The following CPNE4 variants were observed in gnomAD, a reference collection of about 807,000 sequenced individuals.
The protein encoded by CPNE4 is copine-4.
In CPNE4, 25 loss-of-function variants were observed where a neutral mutation model predicts 67.9. The observed-to-expected ratio is 0.37, with a 90% confidence interval of 0.27 to 0.51. The LOEUF (loss-of-function observed/expected upper bound fraction) is 0.51, where lower values mean the gene tolerates loss of function less well. Ranked by LOEUF, CPNE4 falls within the 20% of genes least tolerant of loss-of-function variation. The probability of loss-of-function intolerance (pLI) is 0.93; values close to 1 mark genes in which losing one functional copy is unlikely to be tolerated. For synonymous variants in CPNE4, 242 were observed against 244.9 expected (o/e 0.99, Z 0.11); for missense variants, 464 against 690.8 (o/e 0.67, Z 3.68).
At chr3:131,573,597 A>G (rs901212729) in intron 10 of CPNE4, among the ~76,000 whole-genome samples, 4 of 152,230 alleles carry the variant, frequency 2.6e-5, no homozygotes, top group South Asian at 2.1e-4. Flanking sequence ...ACTGAAATCA[A>G]TAGAGCTTTC....
At chr3:131,916,571 G>C (rs1179101162) in intron 1 of CPNE4, among the ~76,000 whole-genome samples, 1 of 152,018 alleles carries the variant, frequency 6.6e-6, no homozygotes, top group African/African-American at 2.4e-5. Flanking sequence ...GGTGTGTTTT[G>C]GGAAAGAAGA....
At chr3:131,921,687 T>C (rs1396486459) in intron 1 of CPNE4, among the ~76,000 whole-genome samples, 1 of 152,170 alleles carries the variant, frequency 6.6e-6, no homozygotes, top group East Asian at 1.9e-4. Context: ...CTTAGCACTG[T>C]TGTGAGGATT....
intron 15 of CPNE4, among the ~76,000 whole-genome samples, chr3:131,536,806 T>C (rs151035573): frequency 5.3e-5 from 8 of 152,334 alleles, no homozygotes; most frequent in Middle Eastern, 3.4e-3. Context: ...TAGACCATGG[T>C]CCATGTGTAT....
intron 7 of CPNE4, among the ~76,000 whole-genome samples, chr3:131,588,877 C>G (rs544467759): frequency 1.3e-5 from 2 of 152,166 alleles, no homozygotes; most frequent in Admixed American, 1.3e-4. Flanking sequence ...ATTACTACAA[C>G]AGTCTCCCAG....
intron 15 of CPNE4, among the ~76,000 whole-genome samples, chr3:131,535,784 A>G (rs1208212739): frequency 6.6e-6 from 1 of 152,234 alleles, no homozygotes; most frequent in East Asian, 1.9e-4. Context: ...GTCACATTAC[A>G]TGGGAGCTTA....
chr3:131,597,526 G>A (rs1559959844), intron 7 of CPNE4, among the ~76,000 whole-genome samples: 2 of 152,150 alleles, frequency 1.3e-5, no homozygotes, highest in African/African-American at 4.8e-5. Flanking sequence ...GAGTTCAAAT[G>A]ATCTGAATCT....
chr3:131,753,498 T>A (rs1356478811), intron 2 of CPNE4, among the ~76,000 whole-genome samples: 1 of 152,078 alleles, frequency 6.6e-6, no homozygotes, highest in East Asian at 1.9e-4. Flanking sequence ...ATGATACATG[T>A]AGAAGAAATT....
intron 2 of CPNE4, among the ~76,000 whole-genome samples, chr3:131,800,992 G>T (rs1054921345): frequency 3.3e-5 from 5 of 152,058 alleles, no homozygotes; most frequent in Admixed American, 1.3e-4. Context: ...TCCCATATGG[G>T]TTGTAAAGAA....
chr3:131,798,552 C>T (rs189978480), intron 2 of CPNE4, among the ~76,000 whole-genome samples: 63 of 152,192 alleles, frequency 4.1e-4, no homozygotes, highest in Middle Eastern at 6.8e-3. Flanking sequence ...AAAATTAACA[C>T]CTAGGAACAT....
chr3:132,015,190 C>T (rs1171044017), intron 1 of CPNE4, among the ~76,000 whole-genome samples: 1 of 152,036 alleles, frequency 6.6e-6, no homozygotes, highest in Non-Finnish European at 1.5e-5. Context: ...AATTATTGCA[C>T]ATCTCTGGGC....
rs527910047 is a variant in CPNE4 at position 131,657,183 on chromosome 3, A to C, written c.681+12492T>G. ...GTTATACATGTTAAACTTGTATATG[A>C]TGCAATGATTTCCTTCTGGTGTAAA... On this transcript the variant is annotated intron_variant, in intron 7 of 15. Transcript: ENST00000429747. Among the ~76,000 whole-genome samples, 10 of 152,314 alleles carry C rather than the reference A, an allele frequency of 6.6e-5. No homozygotes were observed. In the East Asian group the frequency reaches 1.9e-3, roughly 29 times the overall value.
intron 2 of CPNE4, among the ~76,000 whole-genome samples, chr3:131,783,024 G>A: frequency 6.6e-6 from 1 of 151,942 alleles, no homozygotes; most frequent in Non-Finnish European, 1.5e-5. Flanking sequence ...AAACCACAAT[G>A]ATTTTGTGTA....
chr3:131,916,402 C>T (rs948094553), intron 1 of CPNE4, among the ~76,000 whole-genome samples: 2 of 148,042 alleles, frequency 1.4e-5, no homozygotes, highest in African/African-American at 5.0e-5. Flanking sequence ...AAGGGAGAAA[C>T]GACAGACAAC....
At chr3:131,801,452 G>GTATA (rs71136416) in intron 2 of CPNE4, among the ~76,000 whole-genome samples, 6,752 of 53,164 alleles carry the variant, frequency 0.13, 639 homozygotes, top group East Asian at 0.16. Context: ...GTGTGTGTGT[G>GTATA]TATATATATA....
At chr3:131,849,718 A>G (rs933564586) in intron 2 of CPNE4, among the ~76,000 whole-genome samples, 1 of 152,134 alleles carries the variant, frequency 6.6e-6, no homozygotes, top group Middle Eastern at 3.2e-3. Flanking sequence ...TACCATGAGT[A>G]GAATATAGCC....
At chr3:131,734,225 C>CATTT (rs1560204350) in intron 2 of CPNE4, among the ~76,000 whole-genome samples, 2 of 152,164 alleles carry the variant, frequency 1.3e-5, no homozygotes, top group African/African-American at 4.8e-5. Flanking sequence ...TTTCCCATGG[C>CATTT]ACTTTGTTGT....
intron 1 of CPNE4, among the ~76,000 whole-genome samples, chr3:131,957,154 T>A (rs2699856): frequency 0.52 from 78,635 of 152,020 alleles, 21,733 homozygotes; most frequent in Admixed American, 0.67. Context: ...TGACGTCTAT[T>A]CTGTTATCAT....
At chr3:131,921,363 C>T (rs1385222973) in intron 1 of CPNE4, among the ~76,000 whole-genome samples, 1 of 152,124 alleles carries the variant, frequency 6.6e-6, no homozygotes, top group Non-Finnish European at 1.5e-5. Context: ...GATACTCTCT[C>T]TTTATCCCTA....
intron 3 of CPNE4, among the ~76,000 whole-genome samples, chr3:131,710,142 G>A (rs1041846153): frequency 6.6e-6 from 1 of 152,174 alleles, no homozygotes; most frequent in African/African-American, 2.4e-5. Context: ...GAATAAGTGA[G>A]TACATGTATA....
Sources: allele counts gnomAD v4.1 joint callset (sites outside exome capture counted in the v4.1 genomes callset), GRCh38; gene constraint gnomAD v4.1.1; transcripts MANE v1.5; gene names NCBI Gene and HGNC (gene_info 2026-07-23, HGNC 2026-07-21).